Variants in RGPD4 observed in about 807,000 individuals in gnomAD.
RGPD4 encodes the protein RANBP2 like and GRIP domain containing 4.
In RGPD4, 84 loss-of-function variants were observed where a neutral mutation model predicts 141.1. The ratio of observed to expected loss-of-function variants is 0.60; its 90% CI spans 0.50 to 0.71. The LOEUF is 0.71. RGPD4 is among the 30% of genes least tolerant of loss of function. The pLI, the probability that RGPD4 is intolerant of heterozygous loss-of-function variation, is 0.00. For missense variants in RGPD4, 918 were observed against 1,622.4 expected (o/e 0.57, Z 7.46); for synonymous variants, 298 against 566.8 (o/e 0.53, Z 6.74).
chr2:107,829,717 C>G (rs942603665), intron 1 of RGPD4, among the ~76,000 whole-genome samples: 2 of 152,080 alleles, frequency 1.3e-5, no homozygotes, highest in Admixed American at 6.5e-5. Flanking sequence ...CCTTTGGCGC[C>G]GGCGCTTCCT....
At chr2:107,881,848 GTTTT>G (rs1675375324) in intron 21 of RGPD4, among the ~76,000 whole-genome samples, 1 of 151,510 alleles carries the variant, frequency 6.6e-6, no homozygotes, top group African/African-American at 2.4e-5. Flanking sequence ...CTCTGATAGT[GTTTT>G]ACATTGTCTT....
chr2:107,828,332 G>C (rs1156635648), intron 1 of RGPD4, among the ~76,000 whole-genome samples: 48 of 13,946 alleles, frequency 3.4e-3, no homozygotes, highest in African/African-American at 6.6e-3. Context: ...GACCCGGCCC[G>C]GCGGCGGCCT....
At chr2:107,867,267 C>G (rs1682759982) in intron 18 of RGPD4, among the ~76,000 whole-genome samples, 1 of 151,594 alleles carries the variant, frequency 6.6e-6, no homozygotes, top group African/African-American at 2.4e-5. Flanking sequence ...TAGTAGTGCC[C>G]TTTTTTTTCT....
chr2:107,829,683 G>A (rs1203952177), intron 1 of RGPD4, among the ~76,000 whole-genome samples: 1 of 152,120 alleles, frequency 6.6e-6, no homozygotes, highest in African/African-American at 2.4e-5. Flanking sequence ...GAAGAGTCCT[G>A]GGGGGACCGC....
In RGPD4 at chr2:107,871,655, T is replaced by C. The variant is rs1318413491; in HGVS notation, c.3651T>C (p.Thr1217=). 5.6e-6 allele frequency: 9 copies of C among 1,607,276 alleles called. No homozygotes were observed. The African/African-American group carries it at 1.2e-4, about 22-fold the overall frequency. The part of the protein sequence containing the change: ...TFLTNDQTKV[T]EEENKGSGTG... ...TGACAAATGATCAAACAAAAGTCAC[T>C]GAGGAAGAAAATAAGGGTTCAGGTA... Residue 1217 remains threonine (T), a synonymous_variant, in exon 20 of 23, where the codon ACT becomes ACC. Transcript: ENST00000408999.
intron 22 of RGPD4, among the ~76,000 whole-genome samples, chr2:107,884,164 G>A (rs1288146492): frequency 6.6e-6 from 1 of 152,060 alleles, no homozygotes; most frequent in Non-Finnish European, 1.5e-5. Flanking sequence ...TGGCTGGAGT[G>A]CAGTGGTCCG....
chr2:107,828,198 A>AGCGGCCTCGACCTGGCCGGGCGGCG (rs1681302975), intron 1 of RGPD4, among the ~76,000 whole-genome samples: 1 of 11,740 alleles, frequency 8.5e-5, no homozygotes, highest in East Asian at 9.5e-4. Flanking sequence ...CTGTTGAGGC[A>AGCGGCCTCGACCTGGCCGGGCGGCG]GCGGCCTCGA....
In RGPD4 at chr2:107,870,855, G is replaced by T. The variant is rs1195326320; in HGVS notation, c.2851G>T (p.Asp951Tyr). The T allele has an allele frequency of 3.7e-6, 6 of 1,610,470 alleles. No homozygotes were observed. Among genetic ancestry groups the T allele is most frequent in the African/African-American group, 1.3e-5 (1 of 74,212 alleles). ...LENDTGFQAQ[D>Y]ISGQKNGRGV... is the part of the protein sequence containing the mutation. ...AAATGATACTGGCTTCCAGGCTCAG[G>T]ATATTAGTGGCCAGAAGAATGGCCG... The change falls in exon 20 of 23, where the codon GAT becomes TAT. Residue 951 changes from aspartate to tyrosine, a missense_variant. Asp to Tyr is a radical substitution (Grantham distance 160). Transcript: ENST00000408999.
In RGPD4 at chr2:107,826,953, G is replaced by C; in HGVS notation, c.-61G>C. ...TTTCAGGCGCTTTCCTGTTGGAATT[G>C]GCGACTGCTGCGGGGCTGAGCGCTG... On this transcript the variant is annotated 5_prime_UTR_variant, in exon 1 of 23. Coordinates refer to ENST00000408999, the MANE Select transcript of RGPD4 (RefSeq NM_182588.3). 6.4e-7 allele frequency: 1 copy of C among 1,556,302 alleles called. No homozygotes were observed. Among genetic ancestry groups the C allele is most frequent in the Non-Finnish European group, 8.7e-7 (1 of 1,150,972 alleles).
chr2:107,872,081 T>A lies in RGPD4; in HGVS notation c.4077T>A (p.Ser1359Arg), dbSNP rs1456316232. Residue 1359 changes from serine to arginine, a missense_variant, in exon 20 of 23, where the codon AGT becomes AGA. By Grantham distance (110) the Ser-to-Arg change is moderately radical (BLOSUM62 -1). Coordinates refer to ENST00000408999, the MANE Select transcript of RGPD4 (RefSeq NM_182588.3). ...SGEENEKVVF[S>R]HRAELYRYDK... ...AGGAAAATGAAAAAGTTGTTTTTAG[T>A]CACAGGGCAGAACTCTACAGATATG... The A allele has an allele frequency of 6.2e-7, 1 of 1,611,430 alleles. No individual in the cohort carries two copies. The highest frequency in any genetic ancestry group is 1.3e-5 in the African/African-American group (1 of 74,468).
At chr2:107,858,764 GACTTAAA>G (rs1682429075) in intron 9 of RGPD4, among the ~76,000 whole-genome samples, 1 of 128,150 alleles carries the variant, frequency 7.8e-6, no homozygotes, top group Non-Finnish European at 1.6e-5. Flanking sequence ...TTGCTTTAAT[GACTTAAA>G]GGAAAACCCA....
intron 1 of RGPD4, among the ~76,000 whole-genome samples, chr2:107,830,394 G>A (rs1361951205): frequency 1.3e-5 from 2 of 150,240 alleles, no homozygotes; most frequent in African/African-American, 2.5e-5. Flanking sequence ...TCTTAGTGGG[G>A]ACCTTGGCTT....
intron 1 of RGPD4, among the ~76,000 whole-genome samples, chr2:107,832,342 G>A (rs1275977360): frequency 7.9e-5 from 12 of 151,364 alleles, no homozygotes; most frequent in African/African-American, 2.7e-4. Flanking sequence ...TTCTGAGTTA[G>A]ACCCTTTGTT....
At chr2:107,833,469 AC>A (rs2104402650) in intron 1 of RGPD4, among the ~76,000 whole-genome samples, 1 of 150,586 alleles carries the variant, frequency 6.6e-6, no homozygotes, top group African/African-American at 2.4e-5. Flanking sequence ...GCAAAGAAGT[AC>A]TGCTTGAATC....
chr2:107,829,820 C>A (rs1681409225), intron 1 of RGPD4, among the ~76,000 whole-genome samples: 1 of 152,116 alleles, frequency 6.6e-6, no homozygotes, highest in African/African-American at 2.4e-5. Flanking sequence ...AGTACCCGCG[C>A]AGCCTGGTTC....
intron 20 of RGPD4, among the ~76,000 whole-genome samples, chr2:107,874,219 A>T (rs961492458): frequency 2.6e-4 from 39 of 151,668 alleles, no homozygotes; most frequent in Non-Finnish European, 4.3e-4. Flanking sequence ...GCATGTATAC[A>T]GTATGGAAGA....
At chr2:107,884,439 A>G (rs1179985763) in intron 22 of RGPD4, among the ~76,000 whole-genome samples, 2 of 150,766 alleles carry the variant, frequency 1.3e-5, no homozygotes, top group Non-Finnish European at 3.0e-5. Context: ...ATATATATAA[A>G]TATATTTTTA....
At chr2:107,866,847 A>T (rs2104478717) in intron 18 of RGPD4, among the ~76,000 whole-genome samples, 1 of 138,016 alleles carries the variant, frequency 7.2e-6, no homozygotes, top group African/African-American at 2.7e-5. Context: ...AAATGTGGAG[A>T]TAATACTTGC....
rs371019164 is a variant in RGPD4 at position 107,829,776 on chromosome 2, T to C, written c.72+2691T>C. ...GCTTGTTCCCGACGGTGCTCGCTCC[T>C]GGGCCCGTCCTGGCCCGGGCTTTCT... On this transcript the variant is annotated intron_variant, in intron 1 of 22. Coordinates refer to ENST00000408999, the MANE Select transcript of RGPD4 (RefSeq NM_182588.3). 5.9e-5 allele frequency among the ~76,000 whole-genome samples: 9 copies of C among 152,116 alleles called. No individual in the cohort carries two copies. In the East Asian group the frequency reaches 1.2e-3, roughly 20 times the overall value.
Sources: allele counts gnomAD v4.1 joint callset (sites outside exome capture counted in the v4.1 genomes callset), GRCh38; gene constraint gnomAD v4.1.1; transcripts MANE v1.5; gene names NCBI Gene and HGNC (gene_info 2026-07-23, HGNC 2026-07-21).